The following GNB4 variants were observed in gnomAD, a reference collection of about 807,000 sequenced individuals.
GNB4 encodes G protein subunit beta 4.
A neutral mutation model predicts 45.2 loss-of-function variants in GNB4; 28 were observed. The observed-to-expected ratio is 0.62, with a 90% CI of 0.46 to 0.85. The LOEUF (loss-of-function observed/expected upper bound fraction) is 0.85, where lower values mean the gene tolerates loss of function less well. Among genes scored for constraint, GNB4 ranks in the 40% least tolerant of loss-of-function variants. The pLI, the probability that GNB4 is intolerant of heterozygous loss-of-function variation, is 0.00. For missense variants in GNB4, 321 were observed against 425.4 expected (o/e 0.75, Z 2.16); for synonymous variants, 132 against 143.7 (o/e 0.92, Z 0.58).
the GNB4 span, among the ~76,000 whole-genome samples, chr3:179,507,958 C>G: frequency 6.6e-6 from 1 of 152,086 alleles, no homozygotes; most frequent in Non-Finnish European, 1.5e-5. Context: ...ACTGTGAGGA[C>G]TAAACAAAAT....
intron 1 of GNB4, among the ~76,000 whole-genome samples, chr3:179,441,190 A>G (rs1158361924): frequency 6.6e-6 from 1 of 152,240 alleles, no homozygotes; most frequent in African/African-American, 2.4e-5. Flanking sequence ...CTATACAGCC[A>G]TGCATCACTT....
intron 4 of GNB4, 34 bp from the exon 5 acceptor site, chr3:179,416,590 T>TA: frequency 2.9e-6 from 4 of 1,388,372 alleles, no homozygotes; most frequent in Non-Finnish European, 4.0e-6. Context: ...ATTTGACACT[T>TA]AGAGGGAAAA....
chr3:179,422,302 T>G (rs1715003984), intron 2 of GNB4, among the ~76,000 whole-genome samples: 1 of 152,124 alleles, frequency 6.6e-6, no homozygotes, highest in Non-Finnish European at 1.5e-5. Context: ...CACTGAGAAC[T>G]CTCTCTTATG....
chr3:179,466,238 T>A, the GNB4 span, among the ~76,000 whole-genome samples: 1 of 152,018 alleles, frequency 6.6e-6, no homozygotes, highest in Non-Finnish European at 1.5e-5. Flanking sequence ...CTCAAACTCC[T>A]AACCTCAAGT....
intron 1 of GNB4, among the ~76,000 whole-genome samples, chr3:179,442,106 C>T (rs966306779): frequency 5.9e-5 from 9 of 152,084 alleles, no homozygotes; most frequent in South Asian, 2.1e-4. Context: ...CAAGCCCGGC[C>T]GACTGAAATA....
At chr3:179,458,173 G>A in the GNB4 span, among the ~76,000 whole-genome samples, 1 of 152,198 alleles carries the variant, frequency 6.6e-6, no homozygotes, top group East Asian at 1.9e-4. Context: ...AAAGTGCTGG[G>A]ATTACAGGCG....
the GNB4 span, among the ~76,000 whole-genome samples, chr3:179,518,696 G>A: frequency 1.3e-5 from 2 of 152,132 alleles, no homozygotes; most frequent in African/African-American, 2.4e-5. Context: ...GCATAGTCAA[G>A]GTTAATGCTC....
chr3:179,494,801 G>A, the GNB4 span, among the ~76,000 whole-genome samples: 6 of 151,352 alleles, frequency 4.0e-5, no homozygotes, highest in South Asian at 2.1e-4. Context: ...CCAGCTACTC[G>A]GGAGGCTGAG....
the GNB4 span, among the ~76,000 whole-genome samples, chr3:179,524,779 G>C: frequency 6.6e-6 from 1 of 151,680 alleles, no homozygotes; most frequent in Non-Finnish European, 1.5e-5. Flanking sequence ...TGATTTGGGA[G>C]AGGTCAGATA....
At chr3:179,499,571 T>G in the GNB4 span, among the ~76,000 whole-genome samples, 1 of 152,238 alleles carries the variant, frequency 6.6e-6, no homozygotes, top group African/African-American at 2.4e-5. Context: ...TGTGTCTTTA[T>G]AGTAGAATGA....
chr3:179,412,326 A>AACAC (rs1252459789), intron 8 of GNB4, among the ~76,000 whole-genome samples: 2 of 146,474 alleles, frequency 1.4e-5, no homozygotes, highest in East Asian at 1.9e-4. Context: ...AAAACAAACA[A>AACAC]ACACTAGCCA....
intron 4 of GNB4, among the ~76,000 whole-genome samples, chr3:179,418,753 C>T (rs1479254748): frequency 6.6e-6 from 1 of 152,218 alleles, no homozygotes; most frequent in East Asian, 1.9e-4. Context: ...AACAAGTAAA[C>T]CACTGTGATA....
chr3:179,404,839 C>G (rs1714417711), intron 9 of GNB4, among the ~76,000 whole-genome samples: 1 of 152,148 alleles, frequency 6.6e-6, no homozygotes, highest in South Asian at 2.1e-4. Context: ...CATACAAGAT[C>G]TGCTTCAGAA....
the GNB4 span, among the ~76,000 whole-genome samples, chr3:179,509,202 C>CAT: frequency 4.0e-5 from 6 of 148,708 alleles, no homozygotes; most frequent in East Asian, 1.9e-4. Context: ...CACACACACA[C>CAT]ATATACGGCA....
At chr3:179,500,948 G>T in the GNB4 span, among the ~76,000 whole-genome samples, 2 of 152,230 alleles carry the variant, frequency 1.3e-5, no homozygotes, top group African/African-American at 4.8e-5. Flanking sequence ...AGACTTTGCT[G>T]AAATTGCTTA....
At chr3:179,451,537 G>T (rs1030843054), upstream of GNB4, 1 of 150,268 alleles carries the variant, frequency 6.7e-6, no homozygotes, top group Non-Finnish European at 1.5e-5. Context: ...GACGTGGCTG[G>T]AGGCGCGAGG....
chr3:179,493,029 C>A, the GNB4 span, among the ~76,000 whole-genome samples: 1 of 152,184 alleles, frequency 6.6e-6, no homozygotes, highest in African/African-American at 2.4e-5. Flanking sequence ...TGATAGCTGC[C>A]ACACCTCATC....
the GNB4 span, among the ~76,000 whole-genome samples, chr3:179,493,850 G>T: frequency 2.0e-5 from 3 of 152,316 alleles, no homozygotes; most frequent in East Asian, 5.8e-4. Context: ...CACAGTAACA[G>T]TCTGATCTAT....
the GNB4 span, among the ~76,000 whole-genome samples, chr3:179,501,483 G>C: frequency 9.2e-6 from 1 of 108,334 alleles, no homozygotes; most frequent in Non-Finnish European, 1.8e-5. Flanking sequence ...GGTTTGTTTT[G>C]GTTTGGATTT....
Sources: gnomAD v4.1 joint callset for allele counts (sites outside exome capture counted in the v4.1 genomes callset) on GRCh38, gnomAD v4.1.1 for gene constraint, MANE v1.5 for transcripts, NCBI Gene and HGNC (gene_info 2026-07-23, HGNC 2026-07-21) for gene names.